Variants in RPS6KC1 observed in about 807,000 individuals in gnomAD.
RPS6KC1 encodes the protein inactive ribosomal protein S6 kinase delta-1.
Under a neutral mutation model 103.8 loss-of-function variants are expected in RPS6KC1, and 54 were observed. The observed-to-expected ratio is 0.52, with a 90% CI of 0.42 to 0.65. The LOEUF (loss-of-function observed/expected upper bound fraction) is 0.65. Among genes scored for constraint, RPS6KC1 ranks in the 30% least tolerant of loss-of-function variants. RPS6KC1 has a pLI of 0.00. For synonymous variants in RPS6KC1, 439 were observed against 438.7 expected, an observed-to-expected ratio of 1.00 and a Z score of -0.01; for missense variants, 1,151 against 1,253.8, an observed-to-expected ratio of 0.92 and a Z score of 1.24.
the RPS6KC1 span, chr1:213,429,193 T>G: frequency 2.0e-5 from 3 of 147,140 alleles, no homozygotes; most frequent in Non-Finnish European, 4.6e-5. Context: ...CTCTGTTGCC[T>G]AGGCTGGAGT....
the RPS6KC1 span, among the ~76,000 whole-genome samples, chr1:213,291,272 G>A: frequency 6.6e-6 from 1 of 152,194 alleles, no homozygotes; most frequent in East Asian, 1.9e-4. Flanking sequence ...TTCTTTGTGT[G>A]AGGTTCTGGA....
At chr1:213,807,720 T>A in the RPS6KC1 span, among the ~76,000 whole-genome samples, 4 of 152,208 alleles carry the variant, frequency 2.6e-5, no homozygotes, top group Non-Finnish European at 5.9e-5. Context: ...TGCCTTTGGT[T>A]TGAATTTCCT....
chr1:213,767,109 A>C, the RPS6KC1 span, among the ~76,000 whole-genome samples: 2 of 152,070 alleles, frequency 1.3e-5, no homozygotes, highest in Non-Finnish European at 2.9e-5. Flanking sequence ...GTTACTCTAC[A>C]TCTAATTTAT....
At chr1:213,854,510 C>CTCTTTCTTTCTTTCTT in the RPS6KC1 span, among the ~76,000 whole-genome samples, 933 of 120,958 alleles carry the variant, frequency 7.7e-3, 15 homozygotes, top group Non-Finnish European at 1.0e-2. Context: ...CTCTTTCTTT[C>CTCTTTCTTTCTTTCTT]TCTTTCTTTC....
chr1:213,767,428 T>C, the RPS6KC1 span, among the ~76,000 whole-genome samples: 5 of 152,202 alleles, frequency 3.3e-5, no homozygotes, highest in Non-Finnish European at 7.3e-5. Context: ...CTTGAAATAC[T>C]CTTCCCCTCC....
intron 2 of RPS6KC1, among the ~76,000 whole-genome samples, chr1:213,075,194 T>A (rs753730094): frequency 6.6e-6 from 1 of 152,122 alleles, no homozygotes; most frequent in South Asian, 2.1e-4. Flanking sequence ...TTCCATGAGC[T>A]ACAGTCTTTT....
the RPS6KC1 span, among the ~76,000 whole-genome samples, chr1:213,776,929 C>CTTACATG: frequency 1.3e-5 from 2 of 151,606 alleles, no homozygotes; most frequent in South Asian, 2.1e-4. Context: ...GGCTTCTTTC[C>CTTACATG]TTATAAACCA....
chr1:213,327,508 G>C, the RPS6KC1 span, among the ~76,000 whole-genome samples: 1 of 152,058 alleles, frequency 6.6e-6, no homozygotes, highest in Non-Finnish European at 1.5e-5. Flanking sequence ...CCTGACTTGC[G>C]GGTGGTCTTA....
chr1:213,750,123 G>A, the RPS6KC1 span, among the ~76,000 whole-genome samples: 24 of 152,280 alleles, frequency 1.6e-4, no homozygotes, highest in African/African-American at 5.3e-4. Flanking sequence ...CCTGGTTTTG[G>A]TTTACTTTGT....
the RPS6KC1 span, among the ~76,000 whole-genome samples, chr1:213,383,493 T>A: frequency 6.6e-6 from 1 of 152,204 alleles, no homozygotes; most frequent in Non-Finnish European, 1.5e-5. Context: ...AGGGCAAGAA[T>A]TTCATATCCG....
At chr1:213,310,142 A>AT in the RPS6KC1 span, among the ~76,000 whole-genome samples, 1 of 152,038 alleles carries the variant, frequency 6.6e-6, no homozygotes, top group Non-Finnish European at 1.5e-5. Flanking sequence ...TGGCTTTCCA[A>AT]TTGGTTTCCC....
At chr1:213,849,680 T>G in the RPS6KC1 span, among the ~76,000 whole-genome samples, 1 of 152,202 alleles carries the variant, frequency 6.6e-6, no homozygotes, top group Admixed American at 6.5e-5. Flanking sequence ...CACATTAAAT[T>G]AATATATCTA....
chr1:213,384,811 C>T, the RPS6KC1 span, among the ~76,000 whole-genome samples: 2 of 152,212 alleles, frequency 1.3e-5, no homozygotes, highest in Non-Finnish European at 2.9e-5. Context: ...AACTACCCCA[C>T]AAGGTACATT....
the RPS6KC1 span, among the ~76,000 whole-genome samples, chr1:213,810,826 T>C: frequency 3.3e-5 from 5 of 152,186 alleles, no homozygotes; most frequent in Admixed American, 2.6e-4. Flanking sequence ...ACCATCCTCA[T>C]TTTACAGATA....
intron 8 of RPS6KC1, among the ~76,000 whole-genome samples, chr1:213,202,630 C>A (rs1010603890): frequency 1.4e-5 from 2 of 141,794 alleles, no homozygotes; most frequent in African/African-American, 2.5e-5. Context: ...AAAAACAAAC[C>A]AACAAACAAA....
chr1:213,440,383 T>C, the RPS6KC1 span, among the ~76,000 whole-genome samples: 1 of 152,200 alleles, frequency 6.6e-6, no homozygotes, highest in Non-Finnish European at 1.5e-5. Context: ...GACTTCTTTC[T>C]CTTTTCTCCT....
At chr1:213,646,192 G>A in the RPS6KC1 span, among the ~76,000 whole-genome samples, 1 of 152,232 alleles carries the variant, frequency 6.6e-6, no homozygotes, top group African/African-American at 2.4e-5. Context: ...GGTTAGTTTG[G>A]AGAGGTCTAT....
intron 6 of RPS6KC1, among the ~76,000 whole-genome samples, chr1:213,151,786 C>A (rs1281989308): frequency 1.5e-5 from 2 of 134,736 alleles, no homozygotes; most frequent in Non-Finnish European, 3.2e-5. Context: ...GGGGCTGACC[C>A]CCCCCACCTC....
chr1:213,659,416 T>C, the RPS6KC1 span, among the ~76,000 whole-genome samples: 4 of 152,222 alleles, frequency 2.6e-5, no homozygotes, highest in African/African-American at 9.6e-5. Flanking sequence ...TTTCCAATGC[T>C]ATAAAATTTA....
Sources: gnomAD v4.1 joint callset for allele counts (sites outside exome capture counted in the v4.1 genomes callset) on GRCh38, gnomAD v4.1.1 for gene constraint, MANE v1.5 for transcripts, NCBI Gene and HGNC (gene_info 2026-07-23, HGNC 2026-07-21) for gene names.